CDYL2: variants seen among roughly 807,000 people sequenced by gnomAD.
CDYL2 encodes the protein chromodomain Y like 2.
In CDYL2, 23 loss-of-function variants were observed where a neutral mutation model predicts 49.4. That is an observed-to-expected ratio of 0.47 (90% CI 0.34 to 0.66). The LOEUF is 0.66. Among genes scored for constraint, CDYL2 ranks in the 30% least tolerant of loss-of-function variants. CDYL2 has a pLI of 0.01. For missense variants in CDYL2, 678 were observed against 656.4 expected (o/e 1.03, Z -0.36); for synonymous variants, 360 against 268.8 (o/e 1.34, Z -3.32).
At chr16:80,698,544 A>G (rs891629847) in intron 1 of CDYL2, among the ~76,000 whole-genome samples, 3 of 152,188 alleles carry the variant, frequency 2.0e-5, no homozygotes, top group Admixed American at 6.5e-5. Context: ...ATGCTGAATT[A>G]TAATCCCCAG....
chr16:80,782,667 C>G (rs74030436), intron 1 of CDYL2, among the ~76,000 whole-genome samples: 2,189 of 151,716 alleles, frequency 0.014, 57 homozygotes, highest in African/African-American at 0.05. Flanking sequence ...AGGGATTTAT[C>G]CCAGGAATGC....
chr16:80,739,383 T>G (rs1190316606), intron 1 of CDYL2, among the ~76,000 whole-genome samples: 1 of 152,192 alleles, frequency 6.6e-6, no homozygotes, highest in African/African-American at 2.4e-5. Context: ...AAATGCACAC[T>G]TAAAAATGGT....
intron 1 of CDYL2, among the ~76,000 whole-genome samples, chr16:80,776,269 G>C (rs942441790): frequency 1.3e-5 from 2 of 151,992 alleles, no homozygotes; most frequent in East Asian, 3.8e-4. Context: ...CAACTAGCTA[G>C]AAAATTAAAA....
chr16:80,780,196 A>G (rs866461801), intron 1 of CDYL2, among the ~76,000 whole-genome samples: 1 of 152,114 alleles, frequency 6.6e-6, no homozygotes, highest in African/African-American at 2.4e-5. Context: ...ACAAACTTCT[A>G]AAAGATTTCT....
chr16:80,710,771 CTG>C (rs1272687698), intron 1 of CDYL2, among the ~76,000 whole-genome samples: 1 of 151,998 alleles, frequency 6.6e-6, no homozygotes, highest in Middle Eastern at 3.2e-3. Context: ...ACACAGAGAA[CTG>C]TGTTTAAATT....
rs11358031 is a variant in CDYL2, at chr16:80,626,275, TAA to T, written c.835-5342_835-5341del. ...CTCGGTGACAGAATGAAATCCCATC[TAA>T]AAAAAAAAAAAAAAAAAAAGGAAAA... On this transcript the variant is annotated intron_variant, in intron 3 of 6. Transcript: ENST00000570137. Among the ~76,000 whole-genome samples, 251 of 92,276 alleles carry T rather than the reference TAA, an allele frequency of 2.7e-3. 2 individuals carry two copies. Among genetic ancestry groups the T allele is most frequent in the African/African-American group, 6.1e-3 (154 of 25,102 alleles). The allele number at this position is 92,276 out of a possible 152,430, so 60.5% of individuals were successfully genotyped here. A position where few individuals can be genotyped will look rare whatever the true frequency, so the allele number is the denominator to read the frequency against.
At chr16:80,738,772 T>C (rs1404311707) in intron 1 of CDYL2, 1 of 152,276 alleles carries the variant, frequency 6.6e-6, no homozygotes, top group East Asian at 1.9e-4. Flanking sequence ...TATGTGAACA[T>C]ATCTCAGTTA....
chr16:80,788,338 C>G lies in CDYL2; in HGVS notation c.24+15812G>C, dbSNP rs186880203. 1.4e-3 allele frequency among the ~76,000 whole-genome samples: 211 copies of G among 152,286 alleles called. 1 individual carries two copies. The highest frequency in any genetic ancestry group is 4.9e-3 in the African/African-American group (205 of 41,544). On this transcript the variant is annotated intron_variant, in intron 1 of 6. Transcript: ENST00000570137. The stretch of plus-strand genomic sequence containing the variant: ...GCTTAAAGTAGTATTGACAAACATC[C>G]ATTCAGATTCAAAGAGATGCTTTCC...
chr16:80,684,097 T>C (rs1251738700), intron 2 of CDYL2, among the ~76,000 whole-genome samples: 1 of 152,166 alleles, frequency 6.6e-6, no homozygotes, highest in Non-Finnish European at 1.5e-5. Flanking sequence ...ACCCAGACCC[T>C]ACCTCTCTGG....
intron 2 of CDYL2, among the ~76,000 whole-genome samples, chr16:80,649,468 G>A (rs916369210): frequency 6.6e-6 from 1 of 152,184 alleles, no homozygotes; most frequent in East Asian, 1.9e-4. Context: ...ATAAAACACT[G>A]ACGAAAGAAA....
chr16:80,712,189 G>GTATATATATA (rs527296483), intron 1 of CDYL2, among the ~76,000 whole-genome samples: 55 of 75,856 alleles, frequency 7.3e-4, no homozygotes, highest in African/African-American at 1.7e-3. Flanking sequence ...GTGTCTGTGT[G>GTATATATATA]TGTATATATA....
intron 3 of CDYL2, among the ~76,000 whole-genome samples, chr16:80,631,171 G>C (rs974073266): frequency 6.6e-6 from 1 of 152,152 alleles, no homozygotes; most frequent in Non-Finnish European, 1.5e-5. Flanking sequence ...AGCCCAGTTG[G>C]GTTGTTTAAG....
At chr16:80,738,308 A>C (rs1905611832) in intron 1 of CDYL2, among the ~76,000 whole-genome samples, 1 of 152,158 alleles carries the variant, frequency 6.6e-6, no homozygotes, top group African/African-American at 2.4e-5. Flanking sequence ...ACTATTTTGA[A>C]TAGTGCTGCA....
chr16:80,717,884 G>C (rs1904863774), intron 1 of CDYL2, among the ~76,000 whole-genome samples: 1 of 152,220 alleles, frequency 6.6e-6, no homozygotes, highest in Non-Finnish European at 1.5e-5. Flanking sequence ...ATCCCACATG[G>C]TTCGTGGAAG....
At chr16:80,772,641 C>T (rs188630000) in intron 1 of CDYL2, among the ~76,000 whole-genome samples, 70 of 151,960 alleles carry the variant, frequency 4.6e-4, no homozygotes, top group African/African-American at 1.5e-3. Context: ...TTAGTAGAGA[C>T]GGGGTTTCAC....
chr16:80,640,290 G>C (rs931828626), intron 2 of CDYL2, among the ~76,000 whole-genome samples: 1 of 152,188 alleles, frequency 6.6e-6, no homozygotes, highest in Non-Finnish European at 1.5e-5. Flanking sequence ...AGTCACAGCA[G>C]GATGGGGCAC....
chr16:80,640,468 T>G (rs1411360153), intron 2 of CDYL2, among the ~76,000 whole-genome samples: 2 of 152,016 alleles, frequency 1.3e-5, no homozygotes, highest in Non-Finnish European at 2.9e-5. Context: ...CGAGACTTGG[T>G]GGCTTCAGGT....
intron 1 of CDYL2, among the ~76,000 whole-genome samples, chr16:80,694,676 G>A (rs929843924): frequency 1.3e-5 from 2 of 152,066 alleles, no homozygotes; most frequent in African/African-American, 4.8e-5. Flanking sequence ...TTTCCTCTGA[G>A]AAGACCAAGA....
chr16:80,664,472 A>C (rs1909177698), intron 2 of CDYL2, among the ~76,000 whole-genome samples: 1 of 152,114 alleles, frequency 6.6e-6, no homozygotes, highest in Non-Finnish European at 1.5e-5. Flanking sequence ...GTCACTGGGG[A>C]CCAGCTGATC....
Sources: allele counts gnomAD v4.1 joint callset (sites outside exome capture counted in the v4.1 genomes callset), GRCh38; gene constraint gnomAD v4.1.1; transcripts MANE v1.5; gene names NCBI Gene and HGNC (gene_info 2026-07-23, HGNC 2026-07-21).